The following TMEM182 variants were observed in gnomAD, a reference collection of about 807,000 sequenced individuals.
The protein encoded by TMEM182 is transmembrane protein 182.
Under a neutral mutation model 26.8 loss-of-function variants are expected in TMEM182, and 20 were observed. The ratio of observed to expected loss-of-function variants is 0.75; its 90% CI spans 0.53 to 1.09. The LOEUF (loss-of-function observed/expected upper bound fraction) is 1.09. TMEM182 is among the 50% of genes least tolerant of loss of function. TMEM182 has a pLI of 0.00. For missense variants in TMEM182, 277 were observed against 275.5 expected (o/e 1.01, Z -0.04); for synonymous variants, 109 against 102.2 (o/e 1.07, Z -0.40).
intron 3 of TMEM182, among the ~76,000 whole-genome samples, chr2:102,777,666 A>G (rs1680976352): frequency 6.6e-6 from 1 of 151,776 alleles, no homozygotes; most frequent in African/African-American, 2.4e-5. Flanking sequence ...ATTTCTGGAG[A>G]TTTTTGGAGA....
chr2:102,805,921 A>C (rs542187465), intron 4 of TMEM182, among the ~76,000 whole-genome samples: 2 of 152,024 alleles, frequency 1.3e-5, no homozygotes, highest in Non-Finnish European at 2.9e-5. Flanking sequence ...AACAAAAAAA[A>C]CCCATACTGT....
At chr2:102,770,823 C>T (rs74442648) in intron 3 of TMEM182, among the ~76,000 whole-genome samples, 1,686 of 152,334 alleles carry the variant, frequency 0.011, 37 homozygotes, top group African/African-American at 0.039. Flanking sequence ...CAACAACTTG[C>T]TTTACCATGC....
intron 3 of TMEM182, among the ~76,000 whole-genome samples, chr2:102,830,703 T>G (rs1683133167): frequency 6.6e-6 from 1 of 152,196 alleles, no homozygotes; most frequent in Non-Finnish European, 1.5e-5. Context: ...ATAATCCAGT[T>G]ACACTGTTTA....
chr2:102,802,734 C>T (rs1480151702), intron 4 of TMEM182, among the ~76,000 whole-genome samples: 1 of 152,186 alleles, frequency 6.6e-6, no homozygotes, highest in African/African-American at 2.4e-5. Flanking sequence ...GCAACATCAA[C>T]ACAGCAATTT....
At chr2:102,800,726 A>G (rs569140968) in intron 4 of TMEM182, among the ~76,000 whole-genome samples, 8 of 150,818 alleles carry the variant, frequency 5.3e-5, no homozygotes, top group Non-Finnish European at 1.0e-4. Context: ...GTGATAATGT[A>G]TTATGGGCAG....
intron 3 of TMEM182, among the ~76,000 whole-genome samples, chr2:102,792,045 C>CAT (rs1397328151): frequency 1.4e-5 from 2 of 140,580 alleles, no homozygotes; most frequent in Non-Finnish European, 3.0e-5. Context: ...TGTGTATACA[C>CAT]ACACACACAC....
upstream of TMEM182, chr2:102,762,018 G>T: frequency 2.1e-6 from 1 of 477,244 alleles, no homozygotes; most frequent in Non-Finnish European, 3.7e-6. Flanking sequence ...CCAGGGGCGA[G>T]CAAAGGGAAT....
In TMEM182 at chr2:102,798,122, A is replaced by G. The variant is rs1055314156; in HGVS notation, c.469+122A>G. ...AGTAACACAATAATATTTGTATACAATACTTCTTGAACACTAACTAATAAT... is the reference window on the plus strand; with the variant it reads ...AGTAACACAATAATATTTGTATACAGTACTTCTTGAACACTAACTAATAAT... On this transcript the variant is annotated intron_variant, in intron 4 of 4. Transcript: ENST00000412401. The G allele has an allele frequency of 1.3e-5, 17 of 1,262,512 alleles. No individual in the cohort carries two copies. The African/African-American group carries it at 2.3e-4, about 17-fold the overall frequency. The allele number at this position is 1,262,512 out of a possible 1,614,324, so 78.2% of individuals were successfully genotyped here. A position where few individuals can be genotyped will look rare whatever the true frequency, so the allele number is the denominator to read the frequency against.
chr2:102,749,427 G>C (rs1038546785), intron 1 of TMEM182, among the ~76,000 whole-genome samples: 3 of 152,156 alleles, frequency 2.0e-5, no homozygotes, highest in Admixed American at 6.5e-5. Flanking sequence ...CCGGACCTGA[G>C]GGTGAATTGG....
chr2:102,751,308 G>A (rs1214059845), intron 1 of TMEM182, among the ~76,000 whole-genome samples: 4 of 152,082 alleles, frequency 2.6e-5, no homozygotes, highest in Non-Finnish European at 2.9e-5. Flanking sequence ...CAGGTATGAC[G>A]TTTACATAGT....
At chr2:102,810,725 T>C (rs1275187369) in intron 4 of TMEM182, among the ~76,000 whole-genome samples, 1 of 152,184 alleles carries the variant, frequency 6.6e-6, no homozygotes, top group Admixed American at 6.5e-5. Flanking sequence ...TTATATATTT[T>C]CTGGACTTCA....
intron 3 of TMEM182, among the ~76,000 whole-genome samples, chr2:102,834,599 T>C (rs548368744): frequency 1.6e-4 from 25 of 152,294 alleles, no homozygotes; most frequent in Admixed American, 9.8e-4. Context: ...TGCTTAACAA[T>C]GTTCAAGGAC....
upstream of TMEM182, among the ~76,000 whole-genome samples, chr2:102,759,517 A>G (rs980186326): frequency 1.3e-5 from 2 of 152,206 alleles, no homozygotes; most frequent in Non-Finnish European, 2.9e-5. Flanking sequence ...TGGACCCTCA[A>G]AAGTCCACAA....
chr2:102,759,553 C>T (rs1351357485), upstream of TMEM182, among the ~76,000 whole-genome samples: 1 of 152,174 alleles, frequency 6.6e-6, no homozygotes, highest in African/African-American at 2.4e-5. Context: ...ATGTATTCCC[C>T]TCCCCTGCAG....
intron 3 of TMEM182, among the ~76,000 whole-genome samples, chr2:102,822,851 G>T (rs1682953597): frequency 6.6e-6 from 1 of 152,086 alleles, no homozygotes; most frequent in East Asian, 1.9e-4. Flanking sequence ...CACCCAGAAT[G>T]TAGAAAGCAC....
upstream of TMEM182, among the ~76,000 whole-genome samples, chr2:102,760,829 T>C (rs1680185120): frequency 6.6e-6 from 1 of 152,070 alleles, no homozygotes; most frequent in African/African-American, 2.4e-5. Flanking sequence ...TTGGCTAGGC[T>C]CCTGGTCTCC....
intron 3 of TMEM182, among the ~76,000 whole-genome samples, chr2:102,780,406 A>G (rs1054775093): frequency 5.9e-5 from 9 of 152,056 alleles, no homozygotes; most frequent in African/African-American, 1.7e-4. Context: ...CTGGCCTCCC[A>G]TGATGCTTCC....
intron 1 of TMEM182, among the ~76,000 whole-genome samples, chr2:102,748,207 A>C (rs1266543348): frequency 6.6e-6 from 1 of 152,234 alleles, no homozygotes; most frequent in Non-Finnish European, 1.5e-5. Context: ...ATCTAATGCC[A>C]AGGAAAATGG....
At chr2:102,833,211 G>A (rs1246425728) in intron 3 of TMEM182, among the ~76,000 whole-genome samples, 1 of 152,106 alleles carries the variant, frequency 6.6e-6, no homozygotes, top group African/African-American at 2.4e-5. Flanking sequence ...GGGGCTTATT[G>A]AACTAATTCT....
Sources: allele counts gnomAD v4.1 joint callset (sites outside exome capture counted in the v4.1 genomes callset), GRCh38; gene constraint gnomAD v4.1.1; transcripts MANE v1.5; gene names NCBI Gene and HGNC (gene_info 2026-07-23, HGNC 2026-07-21).